Variants in SDK1 observed in about 807,000 individuals in gnomAD.
The protein encoded by SDK1 is protein sidekick-1.
Under a neutral mutation model 245.5 loss-of-function variants are expected in SDK1, and 157 were observed. The observed-to-expected ratio is 0.64, with a 90% CI of 0.56 to 0.73. The LOEUF (loss-of-function observed/expected upper bound fraction) is 0.73. SDK1 is among the 30% of genes least tolerant of loss of function. SDK1 has a pLI of 0.00. For missense variants in SDK1, 3,583 were observed against 3,002.3 expected (o/e 1.19, Z -4.52); for synonymous variants, 1,647 against 1,278.5 (o/e 1.29, Z -6.15).
At chr7:3,452,581 T>A (rs1780549221) in intron 1 of SDK1, among the ~76,000 whole-genome samples, 1 of 152,190 alleles carries the variant, frequency 6.6e-6, no homozygotes, top group Non-Finnish European at 1.5e-5. Context: ...TTGTGTACAC[T>A]TTCATACTAA....
chr7:3,891,404 A>T (rs796963740), intron 5 of SDK1, among the ~76,000 whole-genome samples: 14 of 152,276 alleles, frequency 9.2e-5, no homozygotes, highest in African/African-American at 2.6e-4. Context: ...GGCTGAGCAG[A>T]TTTCTTAACC....
chr7:3,690,723 C>G (rs373670387), intron 4 of SDK1, among the ~76,000 whole-genome samples: 2 of 152,156 alleles, frequency 1.3e-5, no homozygotes, highest in African/African-American at 4.8e-5. Context: ...TAACATTATA[C>G]TGATATATTT....
intron 22 of SDK1, among the ~76,000 whole-genome samples, chr7:4,085,172 G>A (rs1211690653): frequency 6.6e-6 from 1 of 152,162 alleles, no homozygotes; most frequent in Non-Finnish European, 1.5e-5. Context: ...GGTTCAACCT[G>A]TGGTCTGTGA....
chr7:3,998,810 G>A (rs1784865071), intron 14 of SDK1, among the ~76,000 whole-genome samples: 1 of 152,208 alleles, frequency 6.6e-6, no homozygotes, highest in Non-Finnish European at 1.5e-5. Context: ...GGAGTTCCGT[G>A]CAGTCGGCGT....
At chr7:3,451,564 A>C (rs1053274417) in intron 1 of SDK1, among the ~76,000 whole-genome samples, 5 of 152,180 alleles carry the variant, frequency 3.3e-5, no homozygotes, top group Non-Finnish European at 7.3e-5. Flanking sequence ...AATCAGAAAC[A>C]AGTCGATTTC....
At chr7:3,802,652 G>A (rs1779136288) in intron 4 of SDK1, among the ~76,000 whole-genome samples, 1 of 152,018 alleles carries the variant, frequency 6.6e-6, no homozygotes, top group Non-Finnish European at 1.5e-5. Context: ...CCGCTAATCT[G>A]TTTTCCATCT....
intron 44 of SDK1, among the ~76,000 whole-genome samples, chr7:4,257,229 C>G (rs1787691565): frequency 1.3e-5 from 2 of 152,134 alleles, no homozygotes; most frequent in African/African-American, 4.8e-5. Flanking sequence ...AACGTAATAC[C>G]CAAAGTGTTG....
At chr7:3,599,822 A>G (rs1781197450) in intron 1 of SDK1, among the ~76,000 whole-genome samples, 1 of 152,222 alleles carries the variant, frequency 6.6e-6, no homozygotes, top group East Asian at 1.9e-4. Context: ...TATGAATACC[A>G]TACTGTCCTT....
At chr7:3,468,725 T>C (rs564156139) in intron 1 of SDK1, among the ~76,000 whole-genome samples, 1 of 152,292 alleles carries the variant, frequency 6.6e-6, no homozygotes, top group East Asian at 1.9e-4. Context: ...TCGTACTGTC[T>C]CTGTTCAATA....
chr7:4,052,313 C>T (rs537983244), intron 19 of SDK1, among the ~76,000 whole-genome samples: 1 of 152,034 alleles, frequency 6.6e-6, no homozygotes, highest in African/African-American at 2.4e-5. Context: ...CACAGGCCAG[C>T]TGACGCATCT....
At chr7:3,749,772 C>T (rs183597583) in intron 4 of SDK1, among the ~76,000 whole-genome samples, 1 of 152,252 alleles carries the variant, frequency 6.6e-6, no homozygotes, top group Admixed American at 6.5e-5. Flanking sequence ...TTCTGGTCTC[C>T]TGTATTCTAA....
At chr7:4,021,191 G>A (rs1786863127) in intron 17 of SDK1, among the ~76,000 whole-genome samples, 2 of 152,162 alleles carry the variant, frequency 1.3e-5, no homozygotes, top group South Asian at 4.1e-4. Flanking sequence ...GTCTGGCCCT[G>A]GAGGTGAGAC....
At chr7:3,635,835 G>T (rs1407388203) in intron 2 of SDK1, among the ~76,000 whole-genome samples, 1 of 152,020 alleles carries the variant, frequency 6.6e-6, no homozygotes, top group Non-Finnish European at 1.5e-5. Context: ...GCCCCTAAGT[G>T]GCTGGGATTA....
intron 1 of SDK1, among the ~76,000 whole-genome samples, chr7:3,606,552 T>C (rs1156477234): frequency 6.6e-6 from 1 of 152,218 alleles, no homozygotes; most frequent in Non-Finnish European, 1.5e-5. Flanking sequence ...TCATCCACCC[T>C]GGTGTCACTG....
At chr7:3,635,787 A>G (rs764114242) in intron 2 of SDK1, among the ~76,000 whole-genome samples, 1 of 151,540 alleles carries the variant, frequency 6.6e-6, no homozygotes, top group Admixed American at 6.6e-5. Context: ...GCTCACTGCA[A>G]CCTCCACCTC....
At chr7:3,993,587 A>AT (rs1459037957) in intron 14 of SDK1, among the ~76,000 whole-genome samples, 1 of 152,240 alleles carries the variant, frequency 6.6e-6, no homozygotes, top group Admixed American at 6.5e-5. Flanking sequence ...ATGCTGATTA[A>AT]TAAAAATTTA....
At chr7:3,652,367 C>A (rs1428005027) in intron 4 of SDK1, among the ~76,000 whole-genome samples, 1 of 152,180 alleles carries the variant, frequency 6.6e-6, no homozygotes, top group Non-Finnish European at 1.5e-5. Flanking sequence ...GTGACCTGGA[C>A]ATGCACAGAC....
At chr7:4,107,228 C>T (rs1782991372) in intron 22 of SDK1, among the ~76,000 whole-genome samples, 1 of 151,750 alleles carries the variant, frequency 6.6e-6, no homozygotes, top group South Asian at 2.1e-4. Flanking sequence ...TGAGCGTCCG[C>T]AGTGCAGCTT....
chr7:3,306,383 A>G (rs1383999325), intron 1 of SDK1, among the ~76,000 whole-genome samples: 1 of 152,098 alleles, frequency 6.6e-6, no homozygotes, highest in African/African-American at 2.4e-5. Context: ...GTTGGCAGAG[A>G]TTAGACCACC....
Sources: allele counts gnomAD v4.1 joint callset (sites outside exome capture counted in the v4.1 genomes callset), GRCh38; gene constraint gnomAD v4.1.1; transcripts MANE v1.5; gene names NCBI Gene and HGNC (gene_info 2026-07-23, HGNC 2026-07-21).